Variants in ERBB4 observed in about 807,000 individuals in gnomAD.
ERBB4 encodes receptor tyrosine-protein kinase erbB-4.
A neutral mutation model predicts 158.0 loss-of-function variants in ERBB4; 42 were observed. That is an observed-to-expected ratio of 0.27 (90% CI 0.21 to 0.34). The LOEUF (loss-of-function observed/expected upper bound fraction) is 0.34, where lower values mean the gene tolerates loss of function less well. Among genes scored for constraint, ERBB4 ranks in the 10% least tolerant of loss-of-function variants. The pLI is 1.00. For synonymous variants in ERBB4, 583 were observed against 558.7 expected, an observed-to-expected ratio of 1.04 and a Z score of -0.61; for missense variants, 1,333 against 1,624.1, an observed-to-expected ratio of 0.82 and a Z score of 3.08.
In ERBB4 at chr2:211,616,403, C is replaced by A. The variant is rs114097662; in HGVS notation, c.2301+2774G>T. Among the ~76,000 whole-genome samples the A allele has an allele frequency of 5.8e-3, 885 of 152,242 alleles. 10 individuals are homozygous for A. Among genetic ancestry groups the A allele is most frequent in the African/African-American group, 0.02 (840 of 41,562 alleles). The stretch of plus-strand genomic sequence containing the variant: ...ATTCTTATTTCAAGGGTAGCTTCTG[C>A]ATCTGTAAGAACCCAAACTAACACA... On this transcript the variant is annotated intron_variant, in intron 19 of 27. Transcript: ENST00000342788.
chr2:211,462,530 A>C (rs2064563746), intron 20 of ERBB4, among the ~76,000 whole-genome samples: 1 of 152,176 alleles, frequency 6.6e-6, no homozygotes, highest in African/African-American at 2.4e-5. Context: ...GCAGAAAGAC[A>C]AGTTTCATGT....
intron 20 of ERBB4, among the ~76,000 whole-genome samples, chr2:211,514,605 A>T (rs985261771): frequency 2.0e-5 from 3 of 152,126 alleles, no homozygotes; most frequent in African/African-American, 7.2e-5. Flanking sequence ...CATATGTCCT[A>T]GGCTCTACTA....
chr2:212,079,301 G>C (rs529749931), intron 2 of ERBB4, among the ~76,000 whole-genome samples: 6 of 151,436 alleles, frequency 4.0e-5, no homozygotes, highest in Non-Finnish European at 8.8e-5. Flanking sequence ...ATTCTTAATC[G>C]CTCTATTTTT....
intron 1 of ERBB4, among the ~76,000 whole-genome samples, chr2:212,145,744 AAAAAAAAG>A (rs2080647014): frequency 1.4e-5 from 2 of 145,980 alleles, no homozygotes; most frequent in African/African-American, 2.7e-5. Context: ...AAAAAAAAAA[AAAAAAAAG>A]CCACTGGAGT....
At chr2:212,475,338 A>T in intron 1 of ERBB4, among the ~76,000 whole-genome samples, 1 of 152,084 alleles carries the variant, frequency 6.6e-6, no homozygotes, top group East Asian at 1.9e-4. Context: ...GGCCCTGCAA[A>T]TTACAGAGCC....
At chr2:211,659,771 A>T (rs1345166184) in intron 15 of ERBB4, among the ~76,000 whole-genome samples, 2 of 152,182 alleles carry the variant, frequency 1.3e-5, no homozygotes, top group African/African-American at 4.8e-5. Context: ...AAAAAGATGA[A>T]TTAGACATTT....
chr2:211,888,820 C>T (rs540919815), intron 3 of ERBB4, among the ~76,000 whole-genome samples: 8 of 151,522 alleles, frequency 5.3e-5, no homozygotes, highest in South Asian at 4.2e-4. Context: ...CACTCCCACC[C>T]GAATATTGCG....
At chr2:211,969,077 A>G (rs1205489790) in intron 2 of ERBB4, among the ~76,000 whole-genome samples, 2 of 152,038 alleles carry the variant, frequency 1.3e-5, no homozygotes, top group Non-Finnish European at 2.9e-5. Flanking sequence ...TTGAATCAAA[A>G]CAGAGATGCA....
In ERBB4 at chr2:211,515,896, TTA is replaced by T. The variant is rs1206265176; in HGVS notation, c.2487+46005_2487+46006del. Among the ~76,000 whole-genome samples the T allele has an allele frequency of 6.3e-4, 56 of 88,944 alleles. 1 individual carries two copies. Among genetic ancestry groups the T allele is most frequent in the African/African-American group, 8.4e-4 (16 of 19,114 alleles). The allele number at this position is 88,944 out of a possible 152,430, so 58.4% of individuals were successfully genotyped here. A position where few individuals can be genotyped will look rare whatever the true frequency, so the allele number is the denominator to read the frequency against. On this transcript the variant is annotated intron_variant, in intron 20 of 27. Transcript: ENST00000342788. ...TTAGTAACTTATATAAAAACATATA[TTA>T]TATATATATATATATTTTTTTTTTT...
At chr2:212,067,949 C>T (rs899316624) in intron 2 of ERBB4, among the ~76,000 whole-genome samples, 1 of 151,972 alleles carries the variant, frequency 6.6e-6, no homozygotes, top group Non-Finnish European at 1.5e-5. Context: ...AAAATAAATA[C>T]ATTGGGTACT....
chr2:211,788,165 T>C lies in ERBB4; in HGVS notation c.422-6A>G. 6.2e-7 allele frequency: 1 copy of C among 1,610,248 alleles called. No homozygotes were observed. The highest frequency in any genetic ancestry group is 8.5e-7 in the Non-Finnish European group (1 of 1,177,104). ...GACTCCACCATTTAGGATTTCTGTA[T>C]TAAAAAACAAATAAACAAATTTTTT... On this transcript the variant is annotated splice_polypyrimidine_tract_variant and splice_region_variant and intron_variant, in intron 3 of 27. Coordinates refer to ENST00000342788, the MANE Select transcript of ERBB4 (RefSeq NM_005235.3).
intron 16 of ERBB4, among the ~76,000 whole-genome samples, chr2:211,642,033 T>C (rs1465530819): frequency 6.6e-6 from 1 of 152,078 alleles, no homozygotes; most frequent in African/African-American, 2.4e-5. Flanking sequence ...TTTTAAGTAA[T>C]AATGAGTTCT....
intron 1 of ERBB4, among the ~76,000 whole-genome samples, chr2:212,336,288 G>A (rs554229006): frequency 2.8e-4 from 42 of 152,044 alleles, no homozygotes; most frequent in African/African-American, 9.6e-4. Context: ...TTTTCATTAA[G>A]AAGTCATTAT....
chr2:212,153,573 C>T (rs149655515), intron 1 of ERBB4, among the ~76,000 whole-genome samples: 101 of 152,178 alleles, frequency 6.6e-4, no homozygotes, highest in African/African-American at 2.3e-3. Context: ...TAGCCAACAC[C>T]GCATATTGTT....
intron 1 of ERBB4, among the ~76,000 whole-genome samples, chr2:212,505,393 G>A (rs894326716): frequency 1.3e-5 from 2 of 151,972 alleles, no homozygotes; most frequent in African/African-American, 4.8e-5. Flanking sequence ...CATCACACCC[G>A]GCCTGTTTCT....
At chr2:212,341,234 T>C (rs1348412319) in intron 1 of ERBB4, among the ~76,000 whole-genome samples, 1 of 151,770 alleles carries the variant, frequency 6.6e-6, no homozygotes, top group Non-Finnish European at 1.5e-5. Context: ...ATATAAGTAT[T>C]ATTATATATT....
At chr2:212,498,358 T>C (rs1330558511) in intron 1 of ERBB4, among the ~76,000 whole-genome samples, 2 of 152,144 alleles carry the variant, frequency 1.3e-5, no homozygotes, top group African/African-American at 4.8e-5. Context: ...ACTTGACTAA[T>C]TTACCATTAT....
At chr2:212,023,138 T>C (rs893514113) in intron 2 of ERBB4, among the ~76,000 whole-genome samples, 1 of 152,150 alleles carries the variant, frequency 6.6e-6, no homozygotes, top group African/African-American at 2.4e-5. Context: ...GAACACTGTT[T>C]AATCTGGAGA....
intron 12 of ERBB4, among the ~76,000 whole-genome samples, chr2:211,697,505 G>A (rs2073068796): frequency 6.6e-6 from 1 of 151,908 alleles, no homozygotes; most frequent in Non-Finnish European, 1.5e-5. Context: ...AGTAAGAGAG[G>A]AACTTATTCC....
Sources: gnomAD v4.1 joint callset for allele counts (sites outside exome capture counted in the v4.1 genomes callset) on GRCh38, gnomAD v4.1.1 for gene constraint, MANE v1.5 for transcripts, NCBI Gene and HGNC (gene_info 2026-07-23, HGNC 2026-07-21) for gene names.